Variants in POU2F3 observed in about 807,000 individuals in gnomAD.
POU2F3 encodes POU domain, class 2, transcription factor 3.
A neutral mutation model predicts 59.2 loss-of-function variants in POU2F3; 23 were observed. The observed-to-expected ratio is 0.39, with a 90% confidence interval of 0.28 to 0.55. POU2F3 has a LOEUF of 0.55. POU2F3 is among the 20% of genes least tolerant of loss of function. The pLI is 0.66. For synonymous variants in POU2F3, 190 were observed against 214.6 expected, an observed-to-expected ratio of 0.89 and a Z score of 1.00; for missense variants, 473 against 544.5, an observed-to-expected ratio of 0.87 and a Z score of 1.31.
chr11:120,295,451 G>C (rs1941168522), intron 3 of POU2F3, among the ~76,000 whole-genome samples: 1 of 152,228 alleles, frequency 6.6e-6, no homozygotes, highest in Non-Finnish European at 1.5e-5. Context: ...AGTACCCTCT[G>C]GGATGGCAGA....
At chr11:120,246,794 C>G (rs76503574) in intron 2 of POU2F3, among the ~76,000 whole-genome samples, 102 of 152,328 alleles carry the variant, frequency 6.7e-4, no homozygotes, top group Middle Eastern at 6.8e-3. Flanking sequence ...TCAGGAGCAG[C>G]TGTGTTCCCA....
intron 3 of POU2F3, among the ~76,000 whole-genome samples, chr11:120,288,371 A>G (rs1220941398): frequency 6.6e-6 from 1 of 152,198 alleles, no homozygotes; most frequent in Non-Finnish European, 1.5e-5. Context: ...TGTCTATCCA[A>G]AACCGAAATA....
chr11:120,267,729 G>A (rs1939890245), intron 2 of POU2F3, among the ~76,000 whole-genome samples: 1 of 150,552 alleles, frequency 6.6e-6, no homozygotes, highest in Non-Finnish European at 1.5e-5. Flanking sequence ...TGGTCATTTT[G>A]TGGCCACTGA....
At chr11:120,299,505 A>G in intron 4 of POU2F3, 119 bp from the exon 5 acceptor site, 1 of 773,254 alleles carries the variant, frequency 1.3e-6, no homozygotes, top group Non-Finnish European at 2.1e-6. Context: ...GCATAAACCA[A>G]GGTCAGCCTG....
chr11:120,297,009 C>G (rs1461241150), intron 3 of POU2F3, among the ~76,000 whole-genome samples: 3 of 152,094 alleles, frequency 2.0e-5, no homozygotes, highest in African/African-American at 7.2e-5. Flanking sequence ...GAAGATATCC[C>G]AGGATGTCAG....
At chr11:120,318,082 G>A (rs1317661913) in intron 12 of POU2F3, among the ~76,000 whole-genome samples, 1 of 152,144 alleles carries the variant, frequency 6.6e-6, no homozygotes, top group Non-Finnish European at 1.5e-5. Flanking sequence ...TACTGAGAGA[G>A]AGAAAGAGGA....
At chr11:120,268,798 C>T (rs1185088605) in intron 2 of POU2F3, among the ~76,000 whole-genome samples, 2 of 152,154 alleles carry the variant, frequency 1.3e-5, no homozygotes, top group African/African-American at 4.8e-5. Context: ...TGACTTCTGT[C>T]CTAGGGAGTC....
chr11:120,258,399 AG>A (rs1400062637), intron 2 of POU2F3, among the ~76,000 whole-genome samples: 3 of 152,102 alleles, frequency 2.0e-5, no homozygotes, highest in Non-Finnish European at 4.4e-5. Context: ...TGGGCATTGG[AG>A]CTCAGAGATT....
At chr11:120,259,448 C>T (rs1939500405) in intron 2 of POU2F3, 1 of 152,236 alleles carries the variant, frequency 6.6e-6, no homozygotes. Flanking sequence ...CTGCCTTGGG[C>T]ATGGCTTGCA....
At chr11:120,296,495 A>G (rs1458821732) in intron 3 of POU2F3, among the ~76,000 whole-genome samples, 1 of 152,158 alleles carries the variant, frequency 6.6e-6, no homozygotes, top group Non-Finnish European at 1.5e-5. Flanking sequence ...AGATTATTTC[A>G]TCACCCACAT....
intron 2 of POU2F3, among the ~76,000 whole-genome samples, chr11:120,262,959 T>TTTAA (rs1292781029): frequency 3.9e-5 from 5 of 127,724 alleles, no homozygotes; most frequent in African/African-American, 1.1e-4. Context: ...TTCTTATTTA[T>TTTAA]TTAATTTATT....
chr11:120,254,477 T>G (rs1250149027), intron 2 of POU2F3, among the ~76,000 whole-genome samples: 1 of 151,814 alleles, frequency 6.6e-6, no homozygotes, highest in Non-Finnish European at 1.5e-5. Flanking sequence ...GGGGCCAGCA[T>G]TTGTTATGGG....
In POU2F3 at chr11:120,247,910, C is replaced by T. The variant is rs189839301; in HGVS notation, c.97+1393C>T. Among the ~76,000 whole-genome samples the T allele has an allele frequency of 2.1e-3, 325 of 152,326 alleles. 3 individuals carry two copies. Among genetic ancestry groups the T allele is most frequent in the African/African-American group, 7.6e-3 (315 of 41,578 alleles). On this transcript the variant is annotated intron_variant, in intron 2 of 12. Transcript: ENST00000543440. ...GTGTGTGGGGACACAGCTAAGAGAG[C>T]GTCCACATGGAAAGAAGACCACGCC...
chr11:120,240,064 C>T (rs1938595851), upstream of POU2F3: 2 of 1,095,992 alleles, frequency 1.8e-6, no homozygotes, highest in Non-Finnish European at 2.2e-6. Context: ...TTTGCATGGG[C>T]CTGGGGCCAG....
intron 3 of POU2F3, among the ~76,000 whole-genome samples, chr11:120,294,873 C>A (rs563896348): frequency 6.6e-6 from 1 of 152,008 alleles, no homozygotes; most frequent in African/African-American, 2.4e-5. Flanking sequence ...GGGTTACTAT[C>A]AGCACTTCAC....
At chr11:120,309,803 G>T (rs1037592782) in intron 10 of POU2F3, among the ~76,000 whole-genome samples, 12 of 152,240 alleles carry the variant, frequency 7.9e-5, no homozygotes, top group African/African-American at 2.9e-4. Context: ...CCTGAAAAGG[G>T]TGTGTGAACA....
chr11:120,288,812 C>T lies in POU2F3; in HGVS notation c.133-9453C>T, dbSNP rs9971394. ...TACGCACATGTATGTATTACATACG[C>T]ACATGTATGTATTACATATGTACAT... On this transcript the variant is annotated intron_variant, in intron 3 of 12. Transcript: ENST00000543440. Among the ~76,000 whole-genome samples, 3 of 149,648 alleles carry T rather than the reference C, an allele frequency of 2.0e-5. No homozygotes were observed. In the East Asian group the frequency reaches 5.9e-4, roughly 29 times the overall value.
chr11:120,243,059 G>A (rs1045837793), intron 1 of POU2F3, among the ~76,000 whole-genome samples: 1 of 152,118 alleles, frequency 6.6e-6, no homozygotes, highest in Non-Finnish European at 1.5e-5. Context: ...TCTCACAGAC[G>A]GGTGCCAATT....
At chr11:120,251,513 G>C (rs1939097648) in intron 2 of POU2F3, among the ~76,000 whole-genome samples, 1 of 152,146 alleles carries the variant, frequency 6.6e-6, no homozygotes, top group Non-Finnish European at 1.5e-5. Flanking sequence ...TGAAGCAGTG[G>C]GCTAGGTAGC....
Sources: gnomAD v4.1 joint callset for allele counts (sites outside exome capture counted in the v4.1 genomes callset) on GRCh38, gnomAD v4.1.1 for gene constraint, MANE v1.5 for transcripts, NCBI Gene and HGNC (gene_info 2026-07-23, HGNC 2026-07-21) for gene names.